Variants in CTNNA3 observed in about 807,000 individuals in gnomAD.
CTNNA3 encodes catenin alpha 3.
Under a neutral mutation model 95.7 loss-of-function variants are expected in CTNNA3, and 76 were observed. That is an observed-to-expected ratio of 0.79 (90% CI 0.66 to 0.96). The LOEUF (loss-of-function observed/expected upper bound fraction) is 0.96. Among genes scored for constraint, CTNNA3 ranks in the 40% least tolerant of loss-of-function variants. The pLI is 0.00. For missense variants in CTNNA3, 1,191 were observed against 1,089.8 expected, an observed-to-expected ratio of 1.09 and a Z score of -1.31; for synonymous variants, 431 against 374.4, an observed-to-expected ratio of 1.15 and a Z score of -1.74.
intron 12 of CTNNA3, among the ~76,000 whole-genome samples, chr10:66,289,151 T>A (rs117603635): frequency 0.016 from 2,382 of 151,718 alleles, 23 homozygotes; most frequent in Middle Eastern, 0.028. Context: ...ACAAAACTGT[T>A]AATTAATTTT....
chr10:66,798,800 T>G (rs1417570671), intron 7 of CTNNA3, among the ~76,000 whole-genome samples: 2 of 151,586 alleles, frequency 1.3e-5, no homozygotes, highest in African/African-American at 2.4e-5. Context: ...AAGTAACATT[T>G]CAGTCCTATT....
intron 7 of CTNNA3, among the ~76,000 whole-genome samples, chr10:66,819,560 C>T (rs1329162145): frequency 6.6e-6 from 1 of 151,684 alleles, no homozygotes; most frequent in African/African-American, 2.4e-5. Context: ...GAAAAAAACA[C>T]ACAAAATGGA....
chr10:66,096,180 G>A (rs1367582416), intron 14 of CTNNA3, among the ~76,000 whole-genome samples: 2 of 152,104 alleles, frequency 1.3e-5, no homozygotes, highest in Admixed American at 1.3e-4. Context: ...ATCTTACCCA[G>A]TCTAATTCAG....
intron 15 of CTNNA3, among the ~76,000 whole-genome samples, chr10:66,052,482 A>G (rs2133541116): frequency 6.6e-6 from 1 of 152,282 alleles, no homozygotes; most frequent in Middle Eastern, 3.4e-3. Context: ...AGAAATGTTT[A>G]CTAGAGAGGG....
chr10:65,942,908 G>A (rs2077451049), intron 17 of CTNNA3, among the ~76,000 whole-genome samples: 1 of 152,092 alleles, frequency 6.6e-6, no homozygotes, highest in Non-Finnish European at 1.5e-5. Context: ...TTGCAAAGTT[G>A]TGGTAAAACA....
intron 5 of CTNNA3, among the ~76,000 whole-genome samples, chr10:67,517,758 T>G (rs1839868051): frequency 6.6e-6 from 1 of 152,148 alleles, no homozygotes; most frequent in African/African-American, 2.4e-5. Flanking sequence ...TGCAGCTCCC[T>G]TCTTGAGAGG....
chr10:67,437,106 C>T (rs529019941), intron 5 of CTNNA3, among the ~76,000 whole-genome samples: 1 of 152,154 alleles, frequency 6.6e-6, no homozygotes, highest in South Asian at 2.1e-4. Flanking sequence ...GATAAAGAAA[C>T]TGCAGTAAAT....
At chr10:65,943,265 CA>C (rs1461507296) in intron 17 of CTNNA3, among the ~76,000 whole-genome samples, 1 of 152,020 alleles carries the variant, frequency 6.6e-6, no homozygotes, top group East Asian at 1.9e-4. Context: ...GGAGTTTCAC[CA>C]TGTTAGCCAG....
At chr10:66,265,164 T>A (rs2091117123) in intron 13 of CTNNA3, among the ~76,000 whole-genome samples, 1 of 152,030 alleles carries the variant, frequency 6.6e-6, no homozygotes, top group African/African-American at 2.4e-5. Context: ...CACCTTGAGT[T>A]ATCCACATAT....
intron 13 of CTNNA3, among the ~76,000 whole-genome samples, chr10:66,233,159 C>CAAAAAA (rs56368191): frequency 1.7e-5 from 1 of 60,204 alleles, no homozygotes; most frequent in African/African-American, 7.5e-5. Flanking sequence ...GACTCCACCT[C>CAAAAAA]AAAAAAAAAA....
chr10:66,242,006 T>C (rs2090131992), intron 13 of CTNNA3, among the ~76,000 whole-genome samples: 1 of 152,074 alleles, frequency 6.6e-6, no homozygotes, highest in African/African-American at 2.4e-5. Flanking sequence ...TGAATATCTG[T>C]CTCCTCCAAA....
At chr10:67,616,455 C>T (rs1361054070) in intron 2 of CTNNA3, among the ~76,000 whole-genome samples, 1 of 152,148 alleles carries the variant, frequency 6.6e-6, no homozygotes, top group Non-Finnish European at 1.5e-5. Flanking sequence ...GTTGCTGTAG[C>T]CCAAGTGAAG....
chr10:66,618,360 G>C (rs1851322051), intron 10 of CTNNA3, among the ~76,000 whole-genome samples: 2 of 152,024 alleles, frequency 1.3e-5, no homozygotes, highest in Non-Finnish European at 2.9e-5. Flanking sequence ...TACCAAAACA[G>C]AGATATAGAT....
intron 17 of CTNNA3, among the ~76,000 whole-genome samples, chr10:65,953,101 A>C (rs115201655): frequency 6.6e-6 from 1 of 152,198 alleles, no homozygotes; most frequent in African/African-American, 2.4e-5. Flanking sequence ...ACAGGCTAGA[A>C]TATAACAATA....
chr10:67,200,613 C>A (rs1863603216), intron 6 of CTNNA3, among the ~76,000 whole-genome samples: 1 of 152,066 alleles, frequency 6.6e-6, no homozygotes, highest in Non-Finnish European at 1.5e-5. Flanking sequence ...TGTATCAAGT[C>A]AAAATTCTTT....
intron 2 of CTNNA3, among the ~76,000 whole-genome samples, chr10:67,628,330 G>A (rs1424847533): frequency 6.6e-6 from 1 of 151,068 alleles, no homozygotes; most frequent in Non-Finnish European, 1.5e-5. Context: ...GAAAAACTAA[G>A]TCTCATCTCT....
intron 7 of CTNNA3, among the ~76,000 whole-genome samples, chr10:66,830,810 C>T (rs1274607787): frequency 1.3e-5 from 2 of 152,010 alleles, no homozygotes; most frequent in Admixed American, 6.6e-5. Flanking sequence ...AGGGTTTCAC[C>T]GTGTTAGCCA....
rs1589724907 is a variant in CTNNA3, at chr10:66,204,798, C to G, written c.1884+75672G>C. ...CTACAGCTTATTCCTGCTGGAATTA[C>G]TAATGTCTATTCAAGTGCCTGGCAT... On this transcript the variant is annotated intron_variant, in intron 13 of 17. Transcript: ENST00000433211. 2.0e-5 allele frequency among the ~76,000 whole-genome samples: 3 copies of G among 152,304 alleles called. No homozygotes were observed. The South Asian group carries it at 6.2e-4, about 32-fold the overall frequency.
Position 66,742,586 on chromosome 10 carries a change from C to A in CTNNA3, c.1281+23678G>T, listed in dbSNP as rs571091170. 3.3e-5 allele frequency among the ~76,000 whole-genome samples: 5 copies of A among 152,110 alleles called. No individual in the cohort carries two copies. In the East Asian group the frequency reaches 9.7e-4, roughly 29 times the overall value. ...TTACGGCTCAGGGGGCATCACAGAA[C>A]CTGCCGACAGGATGTCTCCCCCGGA... On this transcript the variant is annotated intron_variant, in intron 9 of 17. Coordinates refer to ENST00000433211, the MANE Select transcript of CTNNA3 (RefSeq NM_013266.4).
Sources: gnomAD v4.1 joint callset for allele counts (sites outside exome capture counted in the v4.1 genomes callset) on GRCh38, gnomAD v4.1.1 for gene constraint, MANE v1.5 for transcripts, NCBI Gene and HGNC (gene_info 2026-07-23, HGNC 2026-07-21) for gene names.